Variants in PCDHGC5 observed in about 807,000 individuals in gnomAD.
PCDHGC5 encodes the protein protocadherin gamma subfamily C, 5.
A neutral mutation model predicts 59.0 loss-of-function variants in PCDHGC5; 25 were observed. The observed-to-expected ratio is 0.42, with a 90% confidence interval of 0.31 to 0.59. The LOEUF is 0.59. Among genes scored for constraint, PCDHGC5 ranks in the 20% least tolerant of loss-of-function variants. PCDHGC5 has a pLI of 0.13. For synonymous variants in PCDHGC5, 434 were observed against 505.5 expected (o/e 0.86, Z 1.90); for missense variants, 1,067 against 1,206.4 (o/e 0.88, Z 1.71).
rs1193417991 is a variant in PCDHGC5 at position 141,491,413 on chromosome 5, G to T, written c.2173G>T (p.Gly725Trp). The T allele has an allele frequency of 6.2e-7, 1 of 1,614,064 alleles. No individual in the cohort carries two copies. Among genetic ancestry groups the T allele is most frequent in the South Asian group, 1.1e-5 (1 of 91,074 alleles). The part of the protein sequence containing the change: ...KCLQGNADGD[G>W]GGGQCCRRQD... ...CCTTCAGGGAAACGCAGACGGGGAC[G>T]GGGGTGGAGGGCAGTGCTGCAGGCG... The change falls in exon 1 of 4, where the codon GGG becomes TGG. Residue 725 changes from glycine to tryptophan, a missense_variant. By Grantham distance (184) the Gly-to-Trp change is radical. Transcript: ENST00000252087. This position sits in a 1 kb window ranked among gnomAD's most constrained non-coding sequence, Gnocchi z 6.9.
intron 2 of PCDHGC5, among the ~76,000 whole-genome samples, chr5:141,501,966 C>A (rs1046026111): frequency 1.3e-5 from 2 of 152,118 alleles, no homozygotes; most frequent in African/African-American, 4.8e-5. Context: ...ATCCTCCTAA[C>A]CTCTGGCATC....
In PCDHGC5 at chr5:141,489,744, C is replaced by T. The variant is rs185263705; in HGVS notation, c.504C>T (p.Ser168=). The T allele has an allele frequency of 1.1e-5, 18 of 1,614,144 alleles. No homozygotes were observed. In the Admixed American group the frequency reaches 2.8e-4, roughly 25 times the overall value. Reference sequence around the variant, plus strand: ...CGGATGTGGGCACCAATACTGTGAGCTTTTACACTCTAAGCCCCAACAGCC... The same window carrying T: ...CGGATGTGGGCACCAATACTGTGAGTTTTTACACTCTAAGCCCCAACAGCC... ...QDPDVGTNTV[S]FYTLSPNSHF... Residue 168 remains serine, a synonymous_variant, in exon 1 of 4, where the codon AGC becomes AGT. Transcript: ENST00000252087. This position sits in a 1 kb window ranked among gnomAD's most constrained non-coding sequence, Gnocchi z 4.5.
rs2099725414 is a variant in PCDHGC5, at chr5:141,491,703, GA to G, written c.2460+4del. On this transcript the variant is annotated splice_donor_region_variant and intron_variant, in intron 1 of 3. Coordinates refer to ENST00000252087, the MANE Select transcript of PCDHGC5 (RefSeq NM_018929.3). The surrounding 1 kb of genome is among the most constrained non-coding windows in gnomAD (Gnocchi z 6.9). ...ATACGCTGCGGGAGCGGAGCCAGGT[GA>G]GGGGCTCGGCGCCGCCCCGGGCGAC... is the stretch of plus-strand genomic sequence containing the variant. The G allele has an allele frequency of 3.7e-6, 6 of 1,611,396 alleles. No homozygotes were observed.
chr5:141,491,136 G>A lies in PCDHGC5; in HGVS notation c.1896G>A (p.Arg632=), dbSNP rs769904518. Residue 632 remains arginine, a synonymous_variant, in exon 1 of 4, where the codon CGG becomes CGA. Coordinates refer to ENST00000252087, the MANE Select transcript of PCDHGC5 (RefSeq NM_018929.3). This position sits in a 1 kb window ranked among gnomAD's most constrained non-coding sequence, Gnocchi z 6.9. ...ACACTGGTGAGGTGCGCACAGCCCG[G>A]GCCTTACTGGAGGATGACTCTGACA... ...STHTGEVRTA[R]ALLEDDSDTQ... The A allele has an allele frequency of 2.4e-5, 38 of 1,614,030 alleles. 1 individual carries two copies. The South Asian group carries it at 4.1e-4, about 17-fold the overall frequency.
rs374663576 is a variant in PCDHGC5 at position 141,489,905 on chromosome 5, G to A, written c.665G>A (p.Arg222His). The A allele has an allele frequency of 2.8e-4, 459 of 1,614,108 alleles. No homozygotes were observed. Among genetic ancestry groups the A allele is most frequent in the Non-Finnish European group, 3.4e-4 (405 of 1,180,054 alleles). The change falls in exon 1 of 4, where the codon CGC (arginine) becomes CAC (histidine). Residue 222 changes from arginine to histidine, a missense_variant. Coordinates refer to ENST00000252087, the MANE Select transcript of PCDHGC5 (RefSeq NM_018929.3). The surrounding 1 kb of genome is among the most constrained non-coding windows in gnomAD (Gnocchi z 4.5). ...LTAVDGGTPA[R>H]SGTTLISVIV... ...GCTGTGGATGGGGGGACCCCAGCCC[G>A]CTCAGGGACCACCCTTATCTCTGTC...
Position 141,490,440 on chromosome 5 carries a change from T to G in PCDHGC5, c.1200T>G (p.Ser400=), listed in dbSNP as rs560525159. The G allele has an allele frequency of 6.2e-7, 1 of 1,614,206 alleles. No individual in the cohort carries two copies. The highest frequency in any genetic ancestry group is 1.7e-5 in the Admixed American group (1 of 60,026). The change falls in exon 1 of 4, where the codon TCT becomes TCG. Residue 400 remains serine (S), a synonymous_variant. Transcript: ENST00000252087. This position sits in a 1 kb window ranked among gnomAD's most constrained non-coding sequence, Gnocchi z 5.4. ...ACCTGCCATTTCAGATTAAGCCTTCTGAGAACCACTACTCGCTGCTAACCA... is the reference window on the plus strand; with the variant it reads ...ACCTGCCATTTCAGATTAAGCCTTCGGAGAACCACTACTCGCTGCTAACCA... The part of the protein sequence containing the change: ...SPDLPFQIKP[S]ENHYSLLTSQ...
At chr5:141,494,232 A>T (rs2099752983) in intron 1 of PCDHGC5, among the ~76,000 whole-genome samples, 1 of 152,168 alleles carries the variant, frequency 6.6e-6, no homozygotes, top group African/African-American at 2.4e-5. Flanking sequence ...TCCTAAATTA[A>T]TAATGTATTT....
intron 3 of PCDHGC5, among the ~76,000 whole-genome samples, chr5:141,506,861 G>A (rs2099856791): frequency 6.6e-6 from 1 of 152,178 alleles, no homozygotes; most frequent in African/African-American, 2.4e-5. Context: ...TGGAGGACTG[G>A]TGGGTAGAGA....
chr5:141,495,973 A>T, intron 2 of PCDHGC5, among the ~76,000 whole-genome samples: 1 of 146,986 alleles, frequency 6.8e-6, no homozygotes, highest in Admixed American at 6.8e-5. Flanking sequence ...TTTCTCTGTT[A>T]CTCTTTCTTT....
In PCDHGC5 at chr5:141,489,091, T is replaced by TCAG. The variant is rs2099682519; in HGVS notation, c.-150_-149insCAG. On this transcript the variant is annotated 5_prime_UTR_variant, in exon 1 of 4. Transcript: ENST00000252087. This position sits in a 1 kb window ranked among gnomAD's most constrained non-coding sequence, Gnocchi z 4.5. ...CTGCCCACCCCCGCCACTCGGTGACTAAGAACTGCTGCAAGCAGGCAAACC... is the reference window on the plus strand; with the variant it reads ...CTGCCCACCCCCGCCACTCGGTGACTCAGAAGAACTGCTGCAAGCAGGCAAACC... The TCAG allele has an allele frequency of 3.0e-6, 1 of 333,056 alleles. No individual in the cohort carries two copies. Among genetic ancestry groups the TCAG allele is most frequent in the Non-Finnish European group, 5.5e-6 (1 of 181,380 alleles). 20.6% of individuals were successfully genotyped at this position (333,056 alleles called of 1,614,324 possible). A position where few individuals can be genotyped will look rare whatever the true frequency, so the allele number is the denominator to read the frequency against.
intron 2 of PCDHGC5, among the ~76,000 whole-genome samples, chr5:141,498,962 A>G (rs1257746192): frequency 8.0e-6 from 1 of 124,866 alleles, no homozygotes; most frequent in Non-Finnish European, 1.7e-5. Context: ...AGAGAGAGGG[A>G]GGGAGGGAGG....
chr5:141,511,560 TC>T lies in PCDHGC5; in HGVS notation c.*390del. ...CCACCCCACTCCAACAGTTCCTCTT[TC>T]CCGAGTAAGGTGGTTGGGGTGTTGA... On this transcript the variant is annotated 3_prime_UTR_variant, in exon 4 of 4. Transcript: ENST00000252087. 3.3e-6 allele frequency: 1 copy of T among 298,990 alleles called. No individual in the cohort carries two copies. The highest frequency in any genetic ancestry group is 3.7e-5 in the South Asian group (1 of 27,250). The allele number at this position is 298,990 out of a possible 1,614,324, so 18.5% of individuals were successfully genotyped here. A position where few individuals can be genotyped will look rare whatever the true frequency, so the allele number is the denominator to read the frequency against.
rs11953770 is a variant in PCDHGC5 at position 141,510,741 on chromosome 5, C to T, written c.2609-206C>T. On this transcript the variant is annotated intron_variant, in intron 3 of 3. Coordinates refer to ENST00000252087, the MANE Select transcript of PCDHGC5 (RefSeq NM_018929.3). ...TAAGGAAAGGAGCTAGGAATCAAACCTAGACTTTCTCACTCCAGAGCCTCT... is the reference window on the plus strand; with the variant it reads ...TAAGGAAAGGAGCTAGGAATCAAACTTAGACTTTCTCACTCCAGAGCCTCT... Among the ~76,000 whole-genome samples the T allele has an allele frequency of 2.6e-5, 4 of 152,138 alleles. No homozygotes were observed. In the South Asian group the frequency reaches 8.3e-4, roughly 32 times the overall value.
chr5:141,503,763 T>C (rs1014883264), intron 2 of PCDHGC5, among the ~76,000 whole-genome samples: 1 of 152,174 alleles, frequency 6.6e-6, no homozygotes, highest in Non-Finnish European at 1.5e-5. Context: ...ATGGCAGCCT[T>C]GTGTCTGTTC....
chr5:141,489,935 T>C lies in PCDHGC5; in HGVS notation c.695T>C (p.Val232Ala). Residue 232 changes from valine (V) to alanine (A), a missense_variant, in exon 1 of 4, where the codon GTG becomes GCG. Coordinates refer to ENST00000252087, the MANE Select transcript of PCDHGC5 (RefSeq NM_018929.3). The surrounding 1 kb of genome is among the most constrained non-coding windows in gnomAD (Gnocchi z 4.5). ...GGGACCACCCTTATCTCTGTCATCG[T>C]GCTGGACATCAATGATAATGCTCCA... ...RSGTTLISVIVLDINDNAPTF... is the reference protein window; with the variant it reads ...RSGTTLISVIALDINDNAPTF... 1 of 1,614,216 alleles carries C rather than the reference T, an allele frequency of 6.2e-7. No individual in the cohort carries two copies.
At chr5:141,505,296 G>A (rs1174492966) in intron 2 of PCDHGC5, 97 bp from the exon 3 acceptor site, 1 of 1,584,850 alleles carries the variant, frequency 6.3e-7, no homozygotes, top group Non-Finnish European at 8.6e-7. Context: ...ATGGGGTAGG[G>A]TTAGGGTACT....
rs1596285501 is a variant in PCDHGC5, at chr5:141,510,367, C to A, written c.2609-580C>A. Among the ~76,000 whole-genome samples the A allele has an allele frequency of 5.0e-5, 7 of 140,362 alleles. 1 individual carries two copies. In the South Asian group the frequency reaches 1.6e-3, roughly 31 times the overall value. The allele number at this position is 140,362 out of a possible 152,430, so 92.1% of individuals were successfully genotyped here. A position where few individuals can be genotyped will look rare whatever the true frequency, so the allele number is the denominator to read the frequency against. On this transcript the variant is annotated intron_variant, in intron 3 of 3. Transcript: ENST00000252087. ...ACACTTACTAACGGAACTACCGAAT[C>A]TCTACTCGTGCCAGGCCTTGCTTGG...
At chr5:141,509,454 G>T (rs1164813611) in intron 3 of PCDHGC5, among the ~76,000 whole-genome samples, 2 of 151,976 alleles carry the variant, frequency 1.3e-5, no homozygotes, top group African/African-American at 2.4e-5. Flanking sequence ...TCCCACCCCC[G>T]ACCCAGTCAG....
chr5:141,490,942 C>G lies in PCDHGC5; in HGVS notation c.1702C>G (p.Arg568Gly). 1 of 1,613,644 alleles carries G rather than the reference C, an allele frequency of 6.2e-7. No individual in the cohort carries two copies. Among genetic ancestry groups the G allele is most frequent in the Non-Finnish European group, 8.5e-7 (1 of 1,179,760 alleles). Residue 568 changes from arginine to glycine, a missense_variant, in exon 1 of 4, where the codon CGG becomes GGG. Transcript: ENST00000252087. This position sits in a 1 kb window ranked among gnomAD's most constrained non-coding sequence, Gnocchi z 5.4. ...NDNAPAVLHP[R>G]PDWEHSAPQR... ...TAATGCCCCAGCTGTGCTGCACCCA[C>G]GGCCAGACTGGGAACACTCAGCCCC...
Sources: gnomAD v4.1 joint callset for allele counts (sites outside exome capture counted in the v4.1 genomes callset) on GRCh38, gnomAD v4.1.1 for gene constraint, Gnocchi (gnomAD v3.1) non-coding constraint, MANE v1.5 for transcripts, NCBI Gene and HGNC (gene_info 2026-07-23, HGNC 2026-07-21) for gene names.